The following KANK1 variants were observed in gnomAD, a reference collection of about 807,000 sequenced individuals.
KANK1 encodes KN motif and ankyrin repeat domain-containing protein 1.
Under a neutral mutation model 106.2 loss-of-function variants are expected in KANK1, and 109 were observed. That is an observed-to-expected ratio of 1.03 (90% CI 0.88 to 1.20). The LOEUF (loss-of-function observed/expected upper bound fraction) is 1.20. KANK1 is among the 50% of genes most tolerant of loss of function. KANK1 has a pLI of 0.00. For synonymous variants in KANK1, 873 were observed against 652.2 expected (o/e 1.34, Z -5.16); for missense variants, 2,399 against 1,710.7 (o/e 1.40, Z -7.10).
At chr9:509,243 A>G (rs959343027) in intron 1 of KANK1, among the ~76,000 whole-genome samples, 32 of 152,148 alleles carry the variant, frequency 2.1e-4, no homozygotes, top group Admixed American at 9.2e-4. Context: ...AACTACAGGC[A>G]CACGCCACCA....
At chr9:742,797 G>A (rs77496123) in intron 10 of KANK1, among the ~76,000 whole-genome samples, 2,109 of 152,250 alleles carry the variant, frequency 0.014, 54 homozygotes, top group African/African-American at 0.049. Flanking sequence ...GGGGTTACAC[G>A]GTGACTAAAA....
chr9:647,602 A>G (rs1413614795), intron 1 of KANK1, among the ~76,000 whole-genome samples: 6 of 150,782 alleles, frequency 4.0e-5, no homozygotes, highest in Admixed American at 3.9e-4. Context: ...TGGTCTTAAG[A>G]AAACTCTTAG....
intron 1 of KANK1, among the ~76,000 whole-genome samples, chr9:554,747 A>T (rs950705881): frequency 1.3e-5 from 2 of 152,220 alleles, no homozygotes; most frequent in Non-Finnish European, 2.9e-5. Flanking sequence ...GAGAATTACT[A>T]TATTTTGTAA....
At chr9:531,885 G>T (rs1344288306) in intron 1 of KANK1, among the ~76,000 whole-genome samples, 1 of 152,146 alleles carries the variant, frequency 6.6e-6, no homozygotes, top group Non-Finnish European at 1.5e-5. Context: ...GATTGTTGTT[G>T]TGTTACATTG....
chr9:727,268 T>A (rs369743036), intron 3 of KANK1, among the ~76,000 whole-genome samples: 6 of 152,204 alleles, frequency 3.9e-5, no homozygotes, highest in Admixed American at 1.3e-4. Context: ...TTAAAAGTGA[T>A]TTTGAACACA....
exon 2 of KANK1, chr9:470,596 T>A (rs1197509213): frequency 2.0e-5 from 3 of 152,308 alleles, no homozygotes; most frequent in Non-Finnish European, 1.5e-5. Context: ...TAGCGAAGAC[T>A]TCGGAGGGAA....
At chr9:670,404 C>G (rs1845604773) in intron 1 of KANK1, among the ~76,000 whole-genome samples, 1 of 152,184 alleles carries the variant, frequency 6.6e-6, no homozygotes, top group Non-Finnish European at 1.5e-5. Flanking sequence ...GAATTTCTTA[C>G]ACATTTTTCC....
At chr9:568,976 G>T (rs1436427105) in intron 1 of KANK1, among the ~76,000 whole-genome samples, 2 of 152,080 alleles carry the variant, frequency 1.3e-5, no homozygotes, top group Non-Finnish European at 2.9e-5. Context: ...GCTCACTGTA[G>T]ACAGAGCTCC....
At chr9:543,282 A>G (rs1310840293) in intron 1 of KANK1, among the ~76,000 whole-genome samples, 1 of 152,040 alleles carries the variant, frequency 6.6e-6, no homozygotes, top group African/African-American at 2.4e-5. Context: ...GAGGCCGGGC[A>G]CGGTGGCTCA....
intron 3 of KANK1, among the ~76,000 whole-genome samples, chr9:491,016 G>A (rs1447461411): frequency 1.4e-5 from 2 of 143,908 alleles, no homozygotes; most frequent in Non-Finnish European, 3.0e-5. Flanking sequence ...CTGGCGTGCA[G>A]TGGTACAACC....
intron 3 of KANK1, among the ~76,000 whole-genome samples, chr9:489,291 A>T (rs1238371329): frequency 2.6e-5 from 4 of 152,318 alleles, no homozygotes; most frequent in African/African-American, 7.2e-5. Flanking sequence ...CGTTTTGCCA[A>T]GTGCTCCTGG....
At chr9:726,665 A>C (rs1313995666) in intron 3 of KANK1, among the ~76,000 whole-genome samples, 1 of 151,966 alleles carries the variant, frequency 6.6e-6, no homozygotes, top group Non-Finnish European at 1.5e-5. Flanking sequence ...ACGGAGACAA[A>C]AATTAAAAAT....
In KANK1 at chr9:617,797, C is replaced by T. The variant is rs553153463; in HGVS notation, c.-83-59093C>T. 9.5e-4 allele frequency among the ~76,000 whole-genome samples: 145 copies of T among 152,342 alleles called. 2 individuals are homozygous for T. Among genetic ancestry groups the T allele is most frequent in the African/African-American group, 3.3e-3 (138 of 41,558 alleles). On this transcript the variant is annotated intron_variant, in intron 1 of 11. Transcript: ENST00000382297. ...CACTTCAGATTGCTTCTTCCACTTTCCTCTTTCCTGCTCAGGTTTCTCATA... is the reference window on the plus strand; with the variant it reads ...CACTTCAGATTGCTTCTTCCACTTTTCTCTTTCCTGCTCAGGTTTCTCATA...
intron 6 of KANK1, 73 bp from the exon 7 acceptor site, chr9:734,675 A>T: frequency 8.6e-7 from 1 of 1,161,414 alleles, no homozygotes; most frequent in Non-Finnish European, 1.3e-6. Context: ...CAAAAAAAAA[A>T]TTAGATATTT....
At chr9:520,510 T>C (rs892972849) in intron 1 of KANK1, among the ~76,000 whole-genome samples, 1 of 151,694 alleles carries the variant, frequency 6.6e-6, no homozygotes, top group Non-Finnish European at 1.5e-5. Flanking sequence ...GGAGATGCTA[T>C]AAGTCACGTG....
intron 3 of KANK1, among the ~76,000 whole-genome samples, chr9:728,634 T>G (rs907003679): frequency 6.6e-6 from 1 of 152,232 alleles, no homozygotes; most frequent in Non-Finnish European, 1.5e-5. Flanking sequence ...TATTTAGGTC[T>G]GAAAAGAGAC....
intron 1 of KANK1, among the ~76,000 whole-genome samples, chr9:565,491 G>A (rs1262271037): frequency 6.6e-6 from 1 of 152,242 alleles, no homozygotes; most frequent in East Asian, 1.9e-4. Flanking sequence ...AGCCGCATGG[G>A]AGATGGAGTT....
At chr9:560,215 A>G (rs933014588) in intron 1 of KANK1, among the ~76,000 whole-genome samples, 5 of 152,204 alleles carry the variant, frequency 3.3e-5, no homozygotes, top group African/African-American at 9.7e-5. Flanking sequence ...TGGAGAGAGA[A>G]TTTGGGTAAT....
At chr9:705,779 T>C (rs1193289888) in intron 2 of KANK1, among the ~76,000 whole-genome samples, 1 of 151,812 alleles carries the variant, frequency 6.6e-6, no homozygotes, top group Non-Finnish European at 1.5e-5. Flanking sequence ...TTTATATTTT[T>C]AGTGGAGATG....
Sources: gnomAD v4.1 joint callset for allele counts (sites outside exome capture counted in the v4.1 genomes callset) on GRCh38, gnomAD v4.1.1 for gene constraint, MANE v1.5 for transcripts, NCBI Gene and HGNC (gene_info 2026-07-23, HGNC 2026-07-21) for gene names.